The following NSF variants were observed in gnomAD, a reference collection of about 807,000 sequenced individuals.
NSF encodes the protein vesicle-fusing ATPase.
NSF carries 14 observed loss-of-function variants against 50.3 expected under a neutral mutation model. That is an observed-to-expected ratio of 0.28 (90% CI 0.18 to 0.44). The LOEUF (loss-of-function observed/expected upper bound fraction) is 0.44. Ranked by LOEUF, NSF falls within the 20% of genes least tolerant of loss-of-function variation. The pLI, the probability that NSF is intolerant of heterozygous loss-of-function variation, is 1.00. For missense variants in NSF, 218 were observed against 504.3 expected, an observed-to-expected ratio of 0.43 and a Z score of 5.44; for synonymous variants, 109 against 175.7, an observed-to-expected ratio of 0.62 and a Z score of 3.00.
rs12937492 is a variant in NSF at position 46,719,411 on chromosome 17, A to C, written c.1761+5425A>C. Reference sequence around the variant, plus strand: ...ATTATACTATTGCCTCTTTTTCACAAATGGATGGTGCTAAAATACGTGAAA... The same window carrying C: ...ATTATACTATTGCCTCTTTTTCACACATGGATGGTGCTAAAATACGTGAAA... On this transcript the variant is annotated intron_variant, in intron 15 of 20. Coordinates refer to ENST00000398238, the MANE Select transcript of NSF (RefSeq NM_006178.4). The surrounding 1 kb of genome is among the most constrained non-coding windows in gnomAD (Gnocchi z 4.3). Among the ~76,000 whole-genome samples, 21,547 of 152,088 alleles carry C rather than the reference A, an allele frequency of 0.14. 2,999 individuals carry two copies. The highest frequency in any genetic ancestry group is 0.6 in the East Asian group (3,122 of 5,168).
At chr17:46,605,557 T>C (rs2057948477) in intron 1 of NSF, among the ~76,000 whole-genome samples, 2 of 116,576 alleles carry the variant, frequency 1.7e-5, no homozygotes, top group Non-Finnish European at 3.6e-5. Context: ...CAGGGAGTAA[T>C]ATTTTCCATA....
Position 46,742,537 on chromosome 17 carries a change from G to A in NSF, c.1909-7236G>A, listed in dbSNP as rs77601919. Among the ~76,000 whole-genome samples the A allele has an allele frequency of 4.6e-5, 7 of 152,290 alleles. No homozygotes were observed. In the East Asian group the frequency reaches 1.4e-3, roughly 29 times the overall value. ...ATAGTAAGTATATAGTATGTAAAAG[G>A]CGATCCAAACTGGAGGAGGGAAAGG... On this transcript the variant is annotated intron_variant, in intron 17 of 20. Coordinates refer to ENST00000398238, the MANE Select transcript of NSF (RefSeq NM_006178.4).
chr17:46,721,926 G>A (rs964948072), intron 15 of NSF: 31 of 1,594,398 alleles, frequency 1.9e-5, no homozygotes, highest in Middle Eastern at 3.4e-4. Flanking sequence ...TCCAATTCGC[G>A]TACTAGCCGG....
intron 17 of NSF, among the ~76,000 whole-genome samples, chr17:46,747,522 T>C (rs930467607): frequency 6.6e-6 from 1 of 152,176 alleles, no homozygotes; most frequent in African/African-American, 2.4e-5. Flanking sequence ...TCAAGTGATC[T>C]GTCCATCTCA....
intron 17 of NSF, among the ~76,000 whole-genome samples, chr17:46,738,021 C>T (rs941982264): frequency 3.3e-5 from 5 of 151,810 alleles, no homozygotes; most frequent in Non-Finnish European, 7.4e-5. Flanking sequence ...GCAGCCTTTA[C>T]CTCCTGGGCT....
chr17:46,728,787 A>G (rs2058918949), intron 16 of NSF, 68 bp from the exon 17 acceptor site: 4 of 1,177,936 alleles, frequency 3.4e-6, no homozygotes, highest in Non-Finnish European at 4.8e-6. Context: ...AAAAAAAAAC[A>G]AAAACTGAAT....
At chr17:46,752,045 C>T (rs1351754586) in intron 19 of NSF, among the ~76,000 whole-genome samples, 2 of 152,180 alleles carry the variant, frequency 1.3e-5, no homozygotes, top group South Asian at 2.1e-4. Flanking sequence ...ATATACCAAA[C>T]GGTGTCTGGG....
At chr17:46,746,076 C>T (rs1012456109) in intron 17 of NSF, among the ~76,000 whole-genome samples, 2 of 152,198 alleles carry the variant, frequency 1.3e-5, no homozygotes, top group African/African-American at 4.8e-5. Flanking sequence ...TGCGTAATAC[C>T]TCCACCTTTC....
chr17:46,722,042 T>A, intron 15 of NSF: 1 of 1,609,584 alleles, frequency 6.2e-7, no homozygotes, highest in Non-Finnish European at 8.5e-7. Context: ...AATATTCAGC[T>A]CCCTGAGCTG....
chr17:46,625,647 T>C (rs2058091378), intron 2 of NSF, among the ~76,000 whole-genome samples: 1 of 56,654 alleles, frequency 1.8e-5, no homozygotes, highest in Non-Finnish European at 3.0e-5. Context: ...TTACTCAAAA[T>C]GTAGTTGATA....
At chr17:46,635,778 TGTG>T (rs2058180014) in intron 4 of NSF, among the ~76,000 whole-genome samples, 1 of 1,468 alleles carries the variant, frequency 6.8e-4, no homozygotes, top group African/African-American at 9.9e-4. Context: ...GGAAAATAAA[TGTG>T]TGTGTGTGTG....
intron 1 of NSF, among the ~76,000 whole-genome samples, chr17:46,598,602 G>A (rs2057885319): frequency 6.6e-6 from 1 of 152,094 alleles, no homozygotes; most frequent in Admixed American, 6.5e-5. Flanking sequence ...GGAGTTGAAA[G>A]GGGTATGGAA....
chr17:46,754,373 T>C (rs948338104), intron 19 of NSF, among the ~76,000 whole-genome samples: 5 of 150,986 alleles, frequency 3.3e-5, no homozygotes, highest in Non-Finnish European at 7.4e-5. Flanking sequence ...GTGGTTGGAG[T>C]GGGAGTCCAA....
intron 9 of NSF, among the ~76,000 whole-genome samples, chr17:46,688,154 C>CA (rs1363622487): frequency 2.8e-5 from 4 of 140,780 alleles, no homozygotes; most frequent in East Asian, 4.2e-4. Context: ...CAATTGCCAC[C>CA]AAAAAACATA....
intron 15 of NSF, among the ~76,000 whole-genome samples, chr17:46,715,431 A>G (rs1184926263): frequency 6.6e-6 from 1 of 152,188 alleles, no homozygotes; most frequent in South Asian, 2.1e-4. Context: ...TAGCTGTTGA[A>G]TGTCCCATTT....
chr17:46,732,966 A>G (rs1435591737), intron 17 of NSF, among the ~76,000 whole-genome samples: 2 of 152,186 alleles, frequency 1.3e-5, no homozygotes, highest in African/African-American at 2.4e-5. Flanking sequence ...GAGGTTTCAC[A>G]TGTGCTTCCC....
At chr17:46,725,866 C>G (rs749490904) in intron 15 of NSF, among the ~76,000 whole-genome samples, 3 of 152,164 alleles carry the variant, frequency 2.0e-5, no homozygotes, top group Non-Finnish European at 2.9e-5. Context: ...AGGCTAGTCT[C>G]AAGGCCTTGA....
At chr17:46,750,015 A>G in intron 18 of NSF, 108 bp downstream of exon 18, 1 of 1,266,810 alleles carries the variant, frequency 7.9e-7, no homozygotes, top group Non-Finnish European at 1.1e-6. Flanking sequence ...AATCTGGAAC[A>G]TGGGACCCGG....
chr17:46,729,869 C>T (rs150195680), intron 17 of NSF, among the ~76,000 whole-genome samples: 22 of 151,674 alleles, frequency 1.5e-4, no homozygotes, highest in Admixed American at 1.4e-3. Context: ...TTTTTTTTAA[C>T]TTCTAAAATA....
Sources: gnomAD v4.1 joint callset for allele counts (sites outside exome capture counted in the v4.1 genomes callset) on GRCh38, gnomAD v4.1.1 for gene constraint, Gnocchi (gnomAD v3.1) non-coding constraint, MANE v1.5 for transcripts, NCBI Gene and HGNC (gene_info 2026-07-23, HGNC 2026-07-21) for gene names.